The following STON2 variants were observed in gnomAD, a reference collection of about 807,000 sequenced individuals.
STON2 encodes stonin-2.
Under a neutral mutation model 65.7 loss-of-function variants are expected in STON2, and 29 were observed. The ratio of observed to expected loss-of-function variants is 0.44; its 90% CI spans 0.33 to 0.60. STON2 has a LOEUF of 0.60. Ranked by LOEUF, STON2 falls within the 20% of genes least tolerant of loss-of-function variation. The probability of loss-of-function intolerance (pLI) is 0.03; values close to 1 mark genes in which losing one functional copy is unlikely to be tolerated. For synonymous variants in STON2, 404 were observed against 414.2 expected (o/e 0.98, Z 0.30); for missense variants, 1,054 against 1,118.1 (o/e 0.94, Z 0.82).
At chr14:81,296,479 T>G (rs1434177496) in intron 5 of STON2, among the ~76,000 whole-genome samples, 1 of 152,136 alleles carries the variant, frequency 6.6e-6, no homozygotes, top group African/African-American at 2.4e-5. Context: ...ACTCTAAAAA[T>G]AGTAACCTTT....
At chr14:81,373,212 C>T (rs114868325) in intron 3 of STON2, among the ~76,000 whole-genome samples, 2,349 of 152,210 alleles carry the variant, frequency 0.015, 70 homozygotes, top group African/African-American at 0.054. Context: ...AGGCATTCAA[C>T]AAATATTTGT....
At chr14:81,364,530 T>C (rs1898633811) in intron 4 of STON2, among the ~76,000 whole-genome samples, 1 of 152,114 alleles carries the variant, frequency 6.6e-6, no homozygotes, top group Non-Finnish European at 1.5e-5. Flanking sequence ...TTTATGTATG[T>C]TTGGGTTTCT....
intron 4 of STON2, among the ~76,000 whole-genome samples, chr14:81,337,582 T>G (rs115603270): frequency 6.6e-6 from 1 of 152,214 alleles, no homozygotes; most frequent in African/African-American, 2.4e-5. Flanking sequence ...AGGTGACAAT[T>G]GAGCAGAGAC....
At chr14:81,342,064 C>A (rs1450797181) in intron 4 of STON2, among the ~76,000 whole-genome samples, 1 of 152,082 alleles carries the variant, frequency 6.6e-6, no homozygotes, top group Non-Finnish European at 1.5e-5. Context: ...GTATAAACCA[C>A]GCTAGACTGT....
chr14:81,280,160 A>G (rs1377657238), intron 5 of STON2, among the ~76,000 whole-genome samples: 1 of 152,228 alleles, frequency 6.6e-6, no homozygotes, highest in Non-Finnish European at 1.5e-5. Flanking sequence ...GGTTATTACA[A>G]ATAAAACTCC....
chr14:81,334,050 T>G (rs1314471827), intron 4 of STON2, among the ~76,000 whole-genome samples: 1 of 152,170 alleles, frequency 6.6e-6, no homozygotes, highest in Non-Finnish European at 1.5e-5. Context: ...CAGCTTGCAC[T>G]ACTCTTAAGC....
intron 3 of STON2, among the ~76,000 whole-genome samples, chr14:81,381,945 C>A (rs1485438304): frequency 6.6e-6 from 1 of 152,154 alleles, no homozygotes; most frequent in Non-Finnish European, 1.5e-5. Context: ...ATGGGCCGGG[C>A]ACGGTGGCTC....
At chr14:81,311,162 C>T (rs1215615863) in intron 5 of STON2, among the ~76,000 whole-genome samples, 1 of 152,098 alleles carries the variant, frequency 6.6e-6, no homozygotes, top group East Asian at 1.9e-4. Flanking sequence ...TTTTGTATTG[C>T]ACCTAGTATT....
intron 4 of STON2, among the ~76,000 whole-genome samples, chr14:81,333,867 T>C (rs550523931): frequency 6.6e-6 from 1 of 152,338 alleles, no homozygotes; most frequent in East Asian, 1.9e-4. Flanking sequence ...GGAGATCAGC[T>C]TGTCATGGCA....
chr14:81,413,001 C>T lies in STON2; in HGVS notation c.-199+14101G>A. On this transcript the variant is annotated intron_variant, in intron 2 of 8. Transcript: ENST00000553821. ...GACCAAAAGGCCGTGATCAAAAATG[C>T]GGACATGTCGGAAGAGACGCAGCAG... 7 of 1,092,304 alleles carry T rather than the reference C, an allele frequency of 6.4e-6. 2 individuals carry two copies. The South Asian group carries it at 6.9e-5, about 11-fold the overall frequency. The allele number at this position is 1,092,304 out of a possible 1,614,324, so 67.7% of individuals were successfully genotyped here.
chr14:81,369,038 A>T (rs1054478057), intron 4 of STON2, among the ~76,000 whole-genome samples: 2 of 152,166 alleles, frequency 1.3e-5, no homozygotes, highest in Non-Finnish European at 1.5e-5. Context: ...AGTTGGAAAC[A>T]CCAGCACCAG....
At chr14:81,290,375 G>A (rs570085970) in intron 5 of STON2, among the ~76,000 whole-genome samples, 13 of 152,308 alleles carry the variant, frequency 8.5e-5, no homozygotes, top group Admixed American at 6.5e-4. Flanking sequence ...ATTCTGTAAC[G>A]TTGGTCAGGG....
Position 81,264,005 on chromosome 14 carries a change from G to A in STON2, c.*4409C>T, listed in dbSNP as rs909000547. 1.0e-6 allele frequency: 1 copy of A among 985,292 alleles called. No individual in the cohort carries two copies. Among genetic ancestry groups the A allele is most frequent in the Admixed American group, 6.2e-5 (1 of 16,256 alleles). The allele number at this position is 985,292 out of a possible 1,614,324, so 61.0% of individuals were successfully genotyped here. ...AAGTAACGGTCAGCGGTTAGTGCTGGAAGAACAAAGACCTACTGCATGAAG... is the reference window on the plus strand; with the variant it reads ...AAGTAACGGTCAGCGGTTAGTGCTGAAAGAACAAAGACCTACTGCATGAAG... On this transcript the variant is annotated 3_prime_UTR_variant, in exon 8 of 8. Transcript: ENST00000614646.
At chr14:81,416,145 G>A (rs573822187) in intron 2 of STON2, among the ~76,000 whole-genome samples, 1 of 152,140 alleles carries the variant, frequency 6.6e-6, no homozygotes, top group Non-Finnish European at 1.5e-5. Context: ...AATGCTCTAC[G>A]CCTGAGTTTC....
At chr14:81,378,040 T>A (rs1246614293) in intron 3 of STON2, among the ~76,000 whole-genome samples, 2 of 152,018 alleles carry the variant, frequency 1.3e-5, no homozygotes, top group African/African-American at 4.8e-5. Context: ...AGAGACGGAG[T>A]TTCACCATGT....
Position 81,276,989 on chromosome 14 carries a change from G to A in STON2, c.2493C>T (p.Val831=). 2 of 1,614,212 alleles carry A rather than the reference G, an allele frequency of 1.2e-6. No individual in the cohort carries two copies. The highest frequency in any genetic ancestry group is 1.7e-6 in the Non-Finnish European group (2 of 1,180,040). ...TGGCAGTTCCCAGAGTTACTCTCATGACAGGCTCAGAGCCAGAAACACTAG... is the reference window on the plus strand; with the variant it reads ...TGGCAGTTCCCAGAGTTACTCTCATAACAGGCTCAGAGCCAGAAACACTAG... ...GSTSVSGSEP[V]MRVTLGTAKY... Residue 831 remains valine, a synonymous_variant, in exon 6 of 8, where the codon GTC becomes GTT. Coordinates refer to ENST00000614646, the MANE Select transcript of STON2 (RefSeq NM_001394390.1).
At chr14:81,344,019 G>C (rs1438165293) in intron 4 of STON2, among the ~76,000 whole-genome samples, 1 of 152,098 alleles carries the variant, frequency 6.6e-6, no homozygotes, top group African/African-American at 2.4e-5. Flanking sequence ...TTATGCTGGT[G>C]AGAAATTAAC....
chr14:81,384,253 AT>A lies in STON2; in HGVS notation c.373+11640del, dbSNP rs569366403. On this transcript the variant is annotated intron_variant, in intron 3 of 7. Transcript: ENST00000614646. ...ATTATTTTTATTTATTTATTTATTT[AT>A]TTTATTTTTTGGAGACACAGTCTTG... is the stretch of plus-strand genomic sequence containing the variant. Among the ~76,000 whole-genome samples the A allele has an allele frequency of 6.8e-5, 10 of 146,408 alleles. 1 individual carries two copies. In the South Asian group the frequency reaches 2.2e-3, roughly 32 times the overall value.
At chr14:81,333,485 A>G (rs192535343) in intron 4 of STON2, 9 of 257,010 alleles carry the variant, frequency 3.5e-5, no homozygotes, top group Admixed American at 1.5e-4. Context: ...TTTGCTGACG[A>G]AGAAAACAAA....
Sources: gnomAD v4.1 joint callset for allele counts (sites outside exome capture counted in the v4.1 genomes callset) on GRCh38, gnomAD v4.1.1 for gene constraint, MANE v1.5 for transcripts, NCBI Gene and HGNC (gene_info 2026-07-23, HGNC 2026-07-21) for gene names.